NFIB: variants seen among roughly 807,000 people sequenced by gnomAD.
NFIB encodes nuclear factor 1 B-type.
NFIB carries 11 observed loss-of-function variants against 61.5 expected under a neutral mutation model. That is an observed-to-expected ratio of 0.18 (90% CI 0.11 to 0.30). The LOEUF is 0.30. NFIB is among the 10% of genes least tolerant of loss of function. The probability of loss-of-function intolerance (pLI) is 1.00; values close to 1 mark genes in which losing one functional copy is unlikely to be tolerated. For missense variants in NFIB, 471 were observed against 608.9 expected (o/e 0.77, Z 2.38); for synonymous variants, 260 against 216.5 (o/e 1.20, Z -1.76).
At chr9:14,519,573 G>C in the NFIB span, among the ~76,000 whole-genome samples, 1 of 152,116 alleles carries the variant, frequency 6.6e-6, no homozygotes, top group African/African-American at 2.4e-5. Flanking sequence ...CCTTATTTGT[G>C]TCTTTTCTTA....
intron 3 of NFIB, 145 bp from the exon 4 acceptor site, chr9:14,156,038 T>C (rs2043361017): frequency 2.0e-6 from 1 of 487,968 alleles, no homozygotes; most frequent in Non-Finnish European, 3.6e-6. Flanking sequence ...AAATGACTCT[T>C]AGGAATGCAA....
chr9:14,429,680 C>T, the NFIB span, among the ~76,000 whole-genome samples: 1 of 152,176 alleles, frequency 6.6e-6, no homozygotes, highest in African/African-American at 2.4e-5. Flanking sequence ...TTTCGCAAAG[C>T]CACCACCAGC....
At chr9:14,362,051 T>C (rs1296450635) in intron 1 of NFIB, 1 of 152,248 alleles carries the variant, frequency 6.6e-6, no homozygotes, top group Non-Finnish European at 1.5e-5. Context: ...CCAGAGGTAC[T>C]AGGGCCTCTC....
intron 2 of NFIB, among the ~76,000 whole-genome samples, chr9:14,263,280 A>AT (rs71321972): frequency 4.7e-4 from 70 of 148,538 alleles, no homozygotes; most frequent in African/African-American, 7.4e-4. Context: ...GCATGAGGGG[A>AT]TTTTTTTTTT....
At chr9:14,329,519 T>G (rs1385605199) in intron 1 of NFIB, among the ~76,000 whole-genome samples, 1 of 152,006 alleles carries the variant, frequency 6.6e-6, no homozygotes. Flanking sequence ...TCTCTTTTTC[T>G]TTTTTTCTTT....
At position 14,120,638 on chromosome 9, in the gene NFIB, A is replaced by C. The variant is rs747530118; in HGVS notation, c.1061-14T>G. The C allele has an allele frequency of 3.8e-6, 6 of 1,581,772 alleles. No homozygotes were observed. Among genetic ancestry groups the C allele is most frequent in the Non-Finnish European group, 5.1e-6 (6 of 1,165,964 alleles). ...GAGTTGAGATGACTGCAGAAGACAG[A>C]AAAGGAAAGATTGACTCATCAGCTG... On this transcript the variant is annotated splice_polypyrimidine_tract_variant and intron_variant, in intron 7 of 10. Transcript: ENST00000380953. This position sits in a 1 kb window ranked among gnomAD's most constrained non-coding sequence, Gnocchi z 4.4.
At chr9:14,391,855 T>C (rs1253058677) in intron 1 of NFIB, among the ~76,000 whole-genome samples, 2 of 152,198 alleles carry the variant, frequency 1.3e-5, no homozygotes, top group Admixed American at 1.3e-4. Context: ...CTTTCACTCC[T>C]GCTCTAAAAC....
chr9:14,325,673 G>C (rs2060743706), intron 1 of NFIB, among the ~76,000 whole-genome samples: 1 of 151,956 alleles, frequency 6.6e-6, no homozygotes, highest in Non-Finnish European at 1.5e-5. Flanking sequence ...TATTATTAAA[G>C]GGTACACACT....
the NFIB span, among the ~76,000 whole-genome samples, chr9:14,463,658 T>TCTC: frequency 0.51 from 29,566 of 58,386 alleles, 6,873 homozygotes; most frequent in East Asian, 0.65. Context: ...CATTTGATTT[T>TCTC]CTTTTTTTTT....
chr9:14,388,467 A>AAGAG (rs149904785), intron 1 of NFIB, among the ~76,000 whole-genome samples: 3 of 143,390 alleles, frequency 2.1e-5, no homozygotes, highest in South Asian at 2.3e-4. Flanking sequence ...GAGAAAGAAA[A>AAGAG]AGAGAGAGAG....
chr9:14,253,124 T>G (rs2055840248), intron 2 of NFIB, among the ~76,000 whole-genome samples: 1 of 152,242 alleles, frequency 6.6e-6, no homozygotes, highest in Non-Finnish European at 1.5e-5. Flanking sequence ...AATGTTATCA[T>G]GTTTTTCAAT....
intron 2 of NFIB, among the ~76,000 whole-genome samples, chr9:14,262,465 T>C (rs879265872): frequency 3.3e-5 from 5 of 152,232 alleles, no homozygotes; most frequent in Non-Finnish European, 7.3e-5. Flanking sequence ...TAATGTATCA[T>C]TTTTGACTGA....
chr9:14,460,652 T>A, the NFIB span, among the ~76,000 whole-genome samples: 1 of 152,214 alleles, frequency 6.6e-6, no homozygotes, highest in African/African-American at 2.4e-5. Context: ...TATAGACCTA[T>A]ATGTAATTAT....
intron 2 of NFIB, among the ~76,000 whole-genome samples, chr9:14,225,673 GT>G (rs1286927162): frequency 2.0e-5 from 3 of 151,912 alleles, no homozygotes; most frequent in Non-Finnish European, 4.4e-5. Flanking sequence ...GAAAGTAATA[GT>G]AAGTTTTCCA....
chr9:14,086,913 T>C lies in NFIB; in HGVS notation c.*1396A>G, dbSNP rs1420742855. 3.4e-5 allele frequency: 7 copies of C among 203,470 alleles called. No individual in the cohort carries two copies. Among genetic ancestry groups the C allele is most frequent in the Non-Finnish European group, 7.1e-5 (7 of 99,016 alleles). The allele number at this position is 203,470 out of a possible 1,614,324, so 12.6% of individuals were successfully genotyped here. A position where few individuals can be genotyped will look rare whatever the true frequency, so the allele number is the denominator to read the frequency against. ...AATTTTAAGAGACATAGAGGCAAAA[T>C]GTGTCTGCCCATGCACACTATGGAT... On this transcript the variant is annotated 3_prime_UTR_variant, in exon 11 of 11. Coordinates refer to ENST00000380953, the MANE Select transcript of NFIB (RefSeq NM_001190737.2).
At chr9:14,102,508 C>G in intron 10 of NFIB, 1 of 1,550,266 alleles carries the variant, frequency 6.5e-7, no homozygotes, top group Non-Finnish European at 8.7e-7. Flanking sequence ...CACAAATCCT[C>G]AGCTGTCAAT....
chr9:14,521,907 T>G, the NFIB span, among the ~76,000 whole-genome samples: 1 of 152,234 alleles, frequency 6.6e-6, no homozygotes, highest in African/African-American at 2.4e-5. Flanking sequence ...TAGAGAATAT[T>G]CATCAATTCC....
intron 2 of NFIB, among the ~76,000 whole-genome samples, chr9:14,291,955 A>G (rs1563981736): frequency 6.6e-6 from 1 of 152,184 alleles, no homozygotes; most frequent in Non-Finnish European, 1.5e-5. Context: ...TCTTCCATCC[A>G]CACACAAAAA....
the NFIB span, among the ~76,000 whole-genome samples, chr9:14,463,132 T>C: frequency 1.6e-5 from 2 of 125,316 alleles, no homozygotes; most frequent in African/African-American, 3.1e-5. Context: ...AATAATTAAA[T>C]CATAAAATAA....
Sources: allele counts gnomAD v4.1 joint callset (sites outside exome capture counted in the v4.1 genomes callset), GRCh38; gene constraint gnomAD v4.1.1; non-coding constraint Gnocchi (gnomAD v3.1); transcripts MANE v1.5; gene names NCBI Gene and HGNC (gene_info 2026-07-23, HGNC 2026-07-21).